PDE4D: variants seen among roughly 807,000 people sequenced by gnomAD.
The protein encoded by PDE4D is phosphodiesterase 4D.
A neutral mutation model predicts 87.4 loss-of-function variants in PDE4D; 24 were observed. That is an observed-to-expected ratio of 0.27 (90% CI 0.20 to 0.39). The LOEUF is 0.39. Among genes scored for constraint, PDE4D ranks in the 10% least tolerant of loss-of-function variants. The probability of loss-of-function intolerance (pLI) is 1.00; values close to 1 mark genes in which losing one functional copy is unlikely to be tolerated. For missense variants in PDE4D, 714 were observed against 1,041.0 expected, an observed-to-expected ratio of 0.69 and a Z score of 4.32; for synonymous variants, 384 against 383.2, an observed-to-expected ratio of 1.00 and a Z score of -0.02.
At chr5:59,240,680 C>G (rs1324364822) in intron 1 of PDE4D, among the ~76,000 whole-genome samples, 1 of 151,976 alleles carries the variant, frequency 6.6e-6, no homozygotes, top group Non-Finnish European at 1.5e-5. Flanking sequence ...ACATAGCCAC[C>G]CTGTTGCAAA....
intron 1 of PDE4D, among the ~76,000 whole-genome samples, chr5:60,187,648 A>C (rs927072954): frequency 2.6e-5 from 4 of 152,198 alleles, no homozygotes; most frequent in African/African-American, 9.7e-5. Context: ...TTTAAAGACC[A>C]TCATTAAGAG....
chr5:60,259,572 C>A (rs534209807), intron 1 of PDE4D, among the ~76,000 whole-genome samples: 6 of 152,132 alleles, frequency 3.9e-5, no homozygotes, highest in African/African-American at 1.4e-4. Flanking sequence ...CTCACAGATT[C>A]CTGATCATAG....
chr5:60,074,235 CATT>C (rs1219642880), intron 2 of PDE4D, among the ~76,000 whole-genome samples: 1 of 152,096 alleles, frequency 6.6e-6, no homozygotes, highest in South Asian at 2.1e-4. Context: ...TCTTTGTTCT[CATT>C]AGTTTCTGGG....
chr5:60,048,397 G>A lies in PDE4D; in HGVS notation c.43-59680C>T, dbSNP rs138093050. On this transcript the variant is annotated intron_variant, in intron 2 of 16. Transcript: ENST00000502484. ...GTTAATATTGTTATGTGTGAATTTGGTCCTGTCATTACGATGTTAGCTGGC... is the reference window on the plus strand; with the variant it reads ...GTTAATATTGTTATGTGTGAATTTGATCCTGTCATTACGATGTTAGCTGGC... Among the ~76,000 whole-genome samples, 270 of 151,702 alleles carry A rather than the reference G, an allele frequency of 1.8e-3. 8 individuals carry two copies. The East Asian group carries it at 0.043, about 24-fold the overall frequency.
chr5:59,385,452 T>C (rs2153605083), intron 1 of PDE4D, among the ~76,000 whole-genome samples: 1 of 152,294 alleles, frequency 6.6e-6, no homozygotes, highest in East Asian at 1.9e-4. Context: ...ATTACTCTAT[T>C]GTACTCCAGC....
intron 1 of PDE4D, among the ~76,000 whole-genome samples, chr5:60,231,270 T>C (rs971673112): frequency 1.3e-5 from 2 of 152,008 alleles, no homozygotes; most frequent in East Asian, 3.9e-4. Context: ...ATTGGGGTCA[T>C]ATGACCTGCA....
chr5:59,452,802 T>C (rs1799365354), intron 1 of PDE4D, among the ~76,000 whole-genome samples: 1 of 152,188 alleles, frequency 6.6e-6, no homozygotes, highest in Non-Finnish European at 1.5e-5. Flanking sequence ...ATTTAATGTC[T>C]TTACTCCTAA....
At chr5:59,740,578 C>T (rs1465620770) in intron 1 of PDE4D, among the ~76,000 whole-genome samples, 1 of 152,104 alleles carries the variant, frequency 6.6e-6, no homozygotes, top group Non-Finnish European at 1.5e-5. Flanking sequence ...TTATATGAGA[C>T]TTCGGAATTA....
chr5:59,404,664 T>TAAA (rs141310449), intron 1 of PDE4D, among the ~76,000 whole-genome samples: 1 of 137,100 alleles, frequency 7.3e-6, no homozygotes, highest in African/African-American at 2.7e-5. Flanking sequence ...AGACTCTGTC[T>TAAA]AAAAAAAAAA....
intron 1 of PDE4D, among the ~76,000 whole-genome samples, chr5:60,354,148 A>T (rs1759422600): frequency 6.6e-6 from 1 of 152,208 alleles, no homozygotes. Flanking sequence ...ATTACCTTAG[A>T]GGTGAATAAT....
chr5:59,977,735 T>G (rs1761488776), intron 3 of PDE4D, among the ~76,000 whole-genome samples: 1 of 152,212 alleles, frequency 6.6e-6, no homozygotes, highest in African/African-American at 2.4e-5. Context: ...AGATACCATC[T>G]ACAACTTTCA....
intron 5 of PDE4D, among the ~76,000 whole-genome samples, chr5:59,109,990 T>C (rs1393656802): frequency 6.6e-6 from 1 of 152,126 alleles, no homozygotes; most frequent in African/African-American, 2.4e-5. Flanking sequence ...AGTGTGCCCA[T>C]CCTCCTGTGA....
At chr5:60,199,809 C>T (rs1337206366) in intron 1 of PDE4D, among the ~76,000 whole-genome samples, 1 of 151,692 alleles carries the variant, frequency 6.6e-6, no homozygotes, top group African/African-American at 2.4e-5. Context: ...ACATATCATA[C>T]CATACCAAGA....
chr5:59,844,119 C>A (rs2152710317), intron 1 of PDE4D, among the ~76,000 whole-genome samples: 1 of 152,192 alleles, frequency 6.6e-6, no homozygotes, highest in African/African-American at 2.4e-5. Flanking sequence ...ACCTCTCAAA[C>A]ACCTGGAGTA....
intron 1 of PDE4D, among the ~76,000 whole-genome samples, chr5:59,393,262 C>T (rs376103311): frequency 6.6e-6 from 1 of 152,104 alleles, no homozygotes; most frequent in African/African-American, 2.4e-5. Flanking sequence ...GAGATCAATG[C>T]CAGAGATGGG....
intron 1 of PDE4D, among the ~76,000 whole-genome samples, chr5:60,203,322 C>G (rs547771277): frequency 1.5e-4 from 23 of 151,994 alleles, no homozygotes; most frequent in Non-Finnish European, 3.2e-4. Context: ...ATTAGTATCG[C>G]TATAAAAATG....
intron 1 of PDE4D, among the ~76,000 whole-genome samples, chr5:59,287,959 G>A (rs1293807011): frequency 6.6e-6 from 1 of 152,016 alleles, no homozygotes; most frequent in Non-Finnish European, 1.5e-5. Flanking sequence ...CAACACCCAA[G>A]TTTCTTCAAG....
At chr5:60,450,367 C>T (rs1232912595) in intron 1 of PDE4D, among the ~76,000 whole-genome samples, 2 of 152,052 alleles carry the variant, frequency 1.3e-5, no homozygotes, top group African/African-American at 4.8e-5. Flanking sequence ...TAAATTCTAA[C>T]CCCATGTTAA....
At chr5:60,205,563 A>G (rs1742403363) in intron 1 of PDE4D, among the ~76,000 whole-genome samples, 1 of 151,982 alleles carries the variant, frequency 6.6e-6, no homozygotes. Flanking sequence ...ATCCTCCCCA[A>G]CCTTCAGAAC....
Sources: allele counts gnomAD v4.1 joint callset (sites outside exome capture counted in the v4.1 genomes callset), GRCh38; gene constraint gnomAD v4.1.1; transcripts MANE v1.5; gene names NCBI Gene and HGNC (gene_info 2026-07-23, HGNC 2026-07-21).